Variants in SLC35F1 observed in about 807,000 individuals in gnomAD.
The protein encoded by SLC35F1 is solute carrier family 35 member F1.
SLC35F1 carries 14 observed loss-of-function variants against 48.7 expected under a neutral mutation model. The ratio of observed to expected loss-of-function variants is 0.29; its 90% CI spans 0.19 to 0.45. The LOEUF (loss-of-function observed/expected upper bound fraction) is 0.45. Ranked by LOEUF, SLC35F1 falls within the 20% of genes least tolerant of loss-of-function variation. The probability of loss-of-function intolerance (pLI) is 1.00; values close to 1 mark genes in which losing one functional copy is unlikely to be tolerated. For missense variants in SLC35F1, 404 were observed against 500.0 expected (o/e 0.81, Z 1.83); for synonymous variants, 190 against 202.2 (o/e 0.94, Z 0.51).
chr6:118,155,913 T>A (rs1326420921), intron 2 of SLC35F1, among the ~76,000 whole-genome samples: 1 of 152,220 alleles, frequency 6.6e-6, no homozygotes. Context: ...TTTGGATTAC[T>A]GTCTAGAATA....
intron 1 of SLC35F1, among the ~76,000 whole-genome samples, chr6:117,965,319 G>A (rs148484136): frequency 6.6e-6 from 1 of 152,318 alleles, no homozygotes; most frequent in Admixed American, 6.5e-5. Flanking sequence ...GCAAGTCATA[G>A]TTCACAAATC....
chr6:118,273,449 A>G (rs544547518), intron 4 of SLC35F1, among the ~76,000 whole-genome samples: 24 of 152,320 alleles, frequency 1.6e-4, no homozygotes, highest in African/African-American at 5.5e-4. Flanking sequence ...ACAATAATTG[A>G]TATTCATAAT....
At chr6:118,104,321 T>G (rs530800582) in intron 1 of SLC35F1, among the ~76,000 whole-genome samples, 6 of 152,334 alleles carry the variant, frequency 3.9e-5, no homozygotes, top group African/African-American at 1.2e-4. Context: ...AAATCTTGGC[T>G]TTACCATTTG....
At chr6:118,142,603 A>G (rs1773907096) in intron 1 of SLC35F1, among the ~76,000 whole-genome samples, 2 of 152,136 alleles carry the variant, frequency 1.3e-5, no homozygotes, top group South Asian at 2.1e-4. Flanking sequence ...TAGAAATTTC[A>G]ACAGGTCAAA....
chr6:118,076,446 T>C (rs1475652397), intron 1 of SLC35F1, among the ~76,000 whole-genome samples: 1 of 152,144 alleles, frequency 6.6e-6, no homozygotes, highest in Non-Finnish European at 1.5e-5. Flanking sequence ...ACAGGAGGCA[T>C]GGCTGGGGAG....
In SLC35F1 at chr6:117,995,517, C is replaced by T. The variant is rs953380940; in HGVS notation, c.173+87618C>T. ...CAGCACTTTAGGAGGCCGAGGCGGGCGGATCATGAGGTCAGGAGTTTGAGA... is the reference window on the plus strand; with the variant it reads ...CAGCACTTTAGGAGGCCGAGGCGGGTGGATCATGAGGTCAGGAGTTTGAGA... On this transcript the variant is annotated intron_variant, in intron 1 of 7. Coordinates refer to ENST00000360388, the MANE Select transcript of SLC35F1 (RefSeq NM_001029858.4). Among the ~76,000 whole-genome samples the T allele has an allele frequency of 9.9e-5, 15 of 152,106 alleles. No homozygotes were observed. In the East Asian group the frequency reaches 1.5e-3, roughly 16 times the overall value.
chr6:118,119,496 C>CA (rs1273656937), intron 1 of SLC35F1, among the ~76,000 whole-genome samples: 1 of 65,622 alleles, frequency 1.5e-5, no homozygotes, highest in Non-Finnish European at 2.8e-5. Context: ...TAACCGGCGC[C>CA]CCCCCTCCAC....
At chr6:118,074,985 T>G (rs1772796536) in intron 1 of SLC35F1, among the ~76,000 whole-genome samples, 1 of 152,238 alleles carries the variant, frequency 6.6e-6, no homozygotes, top group Non-Finnish European at 1.5e-5. Flanking sequence ...GGGGTCTGTG[T>G]GCTTCAATTT....
chr6:118,082,943 C>G (rs1772933739), intron 1 of SLC35F1, among the ~76,000 whole-genome samples: 1 of 152,088 alleles, frequency 6.6e-6, no homozygotes, highest in South Asian at 2.1e-4. Flanking sequence ...GACACTCACC[C>G]CCGCCCCCAG....
intron 2 of SLC35F1, among the ~76,000 whole-genome samples, chr6:118,232,940 G>C (rs371646595): frequency 6.6e-6 from 1 of 151,630 alleles, no homozygotes; most frequent in Non-Finnish European, 1.5e-5. Flanking sequence ...TCTCTAGAAG[G>C]GGGGCTGGTC....
intron 2 of SLC35F1, among the ~76,000 whole-genome samples, chr6:118,182,519 A>AAGGAAG (rs752942549): frequency 3.8e-4 from 40 of 106,344 alleles, no homozygotes; most frequent in South Asian, 8.7e-4. Context: ...AGAGAGAGAG[A>AAGGAAG]GAAGGAAGGA....
At chr6:117,981,045 G>T (rs1387128219) in intron 1 of SLC35F1, among the ~76,000 whole-genome samples, 1 of 152,202 alleles carries the variant, frequency 6.6e-6, no homozygotes, top group Non-Finnish European at 1.5e-5. Context: ...GGAAAGGAGA[G>T]GAAGAGATGA....
At chr6:117,991,654 C>A (rs1437338753) in intron 1 of SLC35F1, among the ~76,000 whole-genome samples, 2 of 152,118 alleles carry the variant, frequency 1.3e-5, no homozygotes, top group Admixed American at 1.3e-4. Context: ...TCTTTTAATC[C>A]ATTTCTGATT....
chr6:118,247,357 C>T (rs958013709), intron 3 of SLC35F1, among the ~76,000 whole-genome samples: 3 of 152,104 alleles, frequency 2.0e-5, no homozygotes, highest in Admixed American at 1.3e-4. Context: ...GACGCTGCTG[C>T]TAGATAGGAA....
rs970326717 is a variant in SLC35F1, at chr6:118,267,988, A to G, written c.637+834A>G. ...TGGGATAGAAAGTACCCACTTTTCT[A>G]TAGTTCTTGGAATTGCCCCTTCTTC... On this transcript the variant is annotated intron_variant, in intron 4 of 7. Transcript: ENST00000360388. 2.0e-5 allele frequency among the ~76,000 whole-genome samples: 3 copies of G among 152,194 alleles called. No individual in the cohort carries two copies. The East Asian group carries it at 5.8e-4, about 29-fold the overall frequency.
At chr6:118,298,348 A>G (rs1046032790) in intron 7 of SLC35F1, among the ~76,000 whole-genome samples, 3 of 152,042 alleles carry the variant, frequency 2.0e-5, no homozygotes, top group Non-Finnish European at 2.9e-5. Context: ...CTCTTTGACA[A>G]CATCTCTAAT....
At chr6:117,923,606 T>TATGTACATATGTAC (rs1562238431) in intron 1 of SLC35F1, among the ~76,000 whole-genome samples, 55 of 1,782 alleles carry the variant, frequency 0.031, 9 homozygotes, top group East Asian at 0.11. Context: ...TGTGTATATA[T>TATGTACATATGTAC]ACATATACAT....
At chr6:118,050,164 A>G (rs145286576) in intron 1 of SLC35F1, among the ~76,000 whole-genome samples, 4,807 of 152,060 alleles carry the variant, frequency 0.032, 271 homozygotes, top group African/African-American at 0.11. Context: ...GAATTGAACA[A>G]TGAGAACACT....
intron 1 of SLC35F1, among the ~76,000 whole-genome samples, chr6:118,079,310 T>C (rs575436230): frequency 9.2e-5 from 14 of 152,356 alleles, no homozygotes; most frequent in African/African-American, 3.4e-4. Context: ...TTACTTAGCA[T>C]AATGTCTTCA....
Sources: allele counts gnomAD v4.1 joint callset (sites outside exome capture counted in the v4.1 genomes callset), GRCh38; gene constraint gnomAD v4.1.1; transcripts MANE v1.5; gene names NCBI Gene and HGNC (gene_info 2026-07-23, HGNC 2026-07-21).